The following BMP5 variants were observed in gnomAD, a reference collection of about 807,000 sequenced individuals.
The protein encoded by BMP5 is bone morphogenetic protein 5.
In BMP5, 23 loss-of-function variants were observed where a neutral mutation model predicts 46.6. That is an observed-to-expected ratio of 0.49 (90% CI 0.35 to 0.70). The LOEUF is 0.70. Ranked by LOEUF, BMP5 falls within the 30% of genes least tolerant of loss-of-function variation. The pLI, the probability that BMP5 is intolerant of heterozygous loss-of-function variation, is 0.00. For missense variants in BMP5, 545 were observed against 565.6 expected (o/e 0.96, Z 0.37); for synonymous variants, 204 against 191.9 (o/e 1.06, Z -0.52).
chr6:55,860,903 C>T (rs1777514398), intron 1 of BMP5, among the ~76,000 whole-genome samples: 1 of 152,166 alleles, frequency 6.6e-6, no homozygotes, highest in Admixed American at 6.5e-5. Flanking sequence ...CAAGTCCTTA[C>T]CCTTTAATTC....
At chr6:55,773,957 T>C (rs1775106496) in intron 4 of BMP5, 92 bp downstream of exon 4, 3 of 1,358,358 alleles carry the variant, frequency 2.2e-6, no homozygotes, top group African/African-American at 2.9e-5. Context: ...TCCGAAGGTA[T>C]ACATAGAGGG....
rs1031992885 is a variant in BMP5, at chr6:55,754,847, T to C, written c.*686A>G. 3.3e-5 allele frequency: 5 copies of C among 152,000 alleles called. No individual in the cohort carries two copies. Among genetic ancestry groups the C allele is most frequent in the African/African-American group, 4.8e-5 (2 of 41,438 alleles). 9.4% of individuals were successfully genotyped at this position (152,000 alleles called of 1,614,324 possible). A position where few individuals can be genotyped will look rare whatever the true frequency, so the allele number is the denominator to read the frequency against. ...AGCTATGGACACAGGCTCAAGCCTG[T>C]CTCCTGAAGCTTTGAGCTCTTTGCA... On this transcript the variant is annotated 3_prime_UTR_variant, in exon 7 of 7. Coordinates refer to ENST00000370830, the MANE Select transcript of BMP5 (RefSeq NM_021073.4).
intron 3 of BMP5, among the ~76,000 whole-genome samples, chr6:55,779,816 C>G (rs1035937763): frequency 6.6e-6 from 1 of 151,976 alleles, no homozygotes; most frequent in Non-Finnish European, 1.5e-5. Context: ...GTATCACAAA[C>G]AGAAATTTAG....
intron 2 of BMP5, among the ~76,000 whole-genome samples, chr6:55,812,877 T>C (rs1776167708): frequency 6.6e-6 from 1 of 152,220 alleles, no homozygotes; most frequent in Admixed American, 6.5e-5. Flanking sequence ...GATCATGTGA[T>C]ATGTAAATAA....
At chr6:55,827,020 T>G (rs1776549032) in intron 1 of BMP5, among the ~76,000 whole-genome samples, 1 of 151,816 alleles carries the variant, frequency 6.6e-6, no homozygotes, top group South Asian at 2.1e-4. Flanking sequence ...CCCAAGCTCC[T>G]ATGCTCATTC....
At chr6:55,765,791 C>G (rs994141336) in intron 4 of BMP5, among the ~76,000 whole-genome samples, 3 of 152,106 alleles carry the variant, frequency 2.0e-5, no homozygotes, top group Admixed American at 2.0e-4. Context: ...ATGTGTGACG[C>G]AAGACACCAC....
At chr6:55,818,580 T>A (rs1257423276) in intron 2 of BMP5, among the ~76,000 whole-genome samples, 2 of 152,196 alleles carry the variant, frequency 1.3e-5, no homozygotes, top group African/African-American at 2.4e-5. Context: ...TATTCTGATA[T>A]GCATTGTGAA....
At chr6:55,780,903 CT>C (rs763228027) in intron 3 of BMP5, among the ~76,000 whole-genome samples, 1 of 152,012 alleles carries the variant, frequency 6.6e-6, no homozygotes, top group Non-Finnish European at 1.5e-5. Flanking sequence ...GAGGGCAGGA[CT>C]GAGGTGATGG....
At chr6:55,762,294 C>G (rs2127516519) in intron 4 of BMP5, among the ~76,000 whole-genome samples, 1 of 152,060 alleles carries the variant, frequency 6.6e-6, no homozygotes, top group African/African-American at 2.4e-5. Context: ...TGTCACCTTC[C>G]TGTTTAATTA....
intron 1 of BMP5, among the ~76,000 whole-genome samples, chr6:55,845,275 T>C (rs1777072000): frequency 1.3e-5 from 2 of 152,046 alleles, no homozygotes; most frequent in Admixed American, 6.6e-5. Flanking sequence ...AAAATAAACA[T>C]GGAACTTTAT....
chr6:55,827,406 G>C (rs963910423), intron 1 of BMP5, among the ~76,000 whole-genome samples: 2 of 151,576 alleles, frequency 1.3e-5, no homozygotes, highest in Non-Finnish European at 3.0e-5. Context: ...AAACCTGCAG[G>C]CTAGGTTCCT....
intron 2 of BMP5, among the ~76,000 whole-genome samples, chr6:55,800,184 A>G (rs758281999): frequency 3.9e-5 from 6 of 152,122 alleles, no homozygotes; most frequent in African/African-American, 9.7e-5. Flanking sequence ...ACTTATTAAC[A>G]CTGTGATATA....
intron 1 of BMP5, among the ~76,000 whole-genome samples, chr6:55,837,050 A>G (rs1042024897): frequency 1.3e-5 from 2 of 151,078 alleles, no homozygotes; most frequent in African/African-American, 4.9e-5. Context: ...GTTTTAAAGT[A>G]ACTTTTTTTT....
At chr6:55,814,511 A>G (rs1472904238) in intron 2 of BMP5, among the ~76,000 whole-genome samples, 1 of 152,168 alleles carries the variant, frequency 6.6e-6, no homozygotes. Context: ...AGAAATATAG[A>G]AATTTCCCTA....
chr6:55,862,745 G>T (rs537217379), intron 1 of BMP5, among the ~76,000 whole-genome samples: 20 of 152,080 alleles, frequency 1.3e-4, no homozygotes, highest in Non-Finnish European at 2.6e-4. Context: ...AGTCACTGGA[G>T]CCTCCATACT....
At chr6:55,760,893 TG>T (rs1562024408) in intron 4 of BMP5, among the ~76,000 whole-genome samples, 1 of 151,738 alleles carries the variant, frequency 6.6e-6, no homozygotes. Flanking sequence ...CTTAATATAT[TG>T]AGAGAGATTA....
At chr6:55,760,740 A>G (rs1275597916) in intron 4 of BMP5, among the ~76,000 whole-genome samples, 1 of 151,968 alleles carries the variant, frequency 6.6e-6, no homozygotes, top group East Asian at 1.9e-4. Flanking sequence ...TGAGATGTAG[A>G]CAATACCATT....
At chr6:55,835,725 C>CT (rs1274844465) in intron 1 of BMP5, among the ~76,000 whole-genome samples, 3 of 152,146 alleles carry the variant, frequency 2.0e-5, no homozygotes, top group Non-Finnish European at 2.9e-5. Context: ...GAAATGCCAA[C>CT]TATAGCCTAC....
chr6:55,764,962 T>C lies in BMP5; in HGVS notation c.1028-4429A>G, dbSNP rs1447165466. Among the ~76,000 whole-genome samples, 3 of 152,324 alleles carry C rather than the reference T, an allele frequency of 2.0e-5. No homozygotes were observed. The South Asian group carries it at 6.2e-4, about 32-fold the overall frequency. ...TAACTAGAAGACAAGATTAGGAATGTTCCCAATGTAAAGAAATGATAAATA... is the reference window on the plus strand; with the variant it reads ...TAACTAGAAGACAAGATTAGGAATGCTCCCAATGTAAAGAAATGATAAATA... On this transcript the variant is annotated intron_variant, in intron 4 of 6. Coordinates refer to ENST00000370830, the MANE Select transcript of BMP5 (RefSeq NM_021073.4).
Sources: gnomAD v4.1 joint callset for allele counts (sites outside exome capture counted in the v4.1 genomes callset) on GRCh38, gnomAD v4.1.1 for gene constraint, MANE v1.5 for transcripts, NCBI Gene and HGNC (gene_info 2026-07-23, HGNC 2026-07-21) for gene names.